Variants in ILDR1 observed in about 807,000 individuals in gnomAD.
ILDR1 encodes the protein immunoglobulin like domain containing receptor 1, also known as immunoglobulin-like domain-containing receptor 1.
Under a neutral mutation model 62.4 loss-of-function variants are expected in ILDR1, and 56 were observed. That is an observed-to-expected ratio of 0.90 (90% CI 0.72 to 1.12). ILDR1 has a LOEUF of 1.12. Ranked by LOEUF, ILDR1 falls within the 50% of genes most tolerant of loss-of-function variation. The pLI is 0.00. For missense variants in ILDR1, 736 were observed against 710.6 expected (o/e 1.04, Z -0.41); for synonymous variants, 284 against 277.8 (o/e 1.02, Z -0.22).
chr3:122,016,615 G>C (rs890604756), intron 1 of ILDR1, among the ~76,000 whole-genome samples: 1 of 152,230 alleles, frequency 6.6e-6, no homozygotes, highest in Non-Finnish European at 1.5e-5. Flanking sequence ...TATCTGGGGG[G>C]ACAAGGCTTC....
chr3:122,035,250 G>GA, the ILDR1 span, among the ~76,000 whole-genome samples: 1 of 151,616 alleles, frequency 6.6e-6, no homozygotes, highest in Non-Finnish European at 1.5e-5. Context: ...AGGAAAACAA[G>GA]AAAAAAAAGT....
chr3:122,011,656 C>T (rs553458239), intron 1 of ILDR1, among the ~76,000 whole-genome samples: 56 of 130,388 alleles, frequency 4.3e-4, no homozygotes, highest in African/African-American at 1.4e-3. Flanking sequence ...GTCTCTCTTT[C>T]TCTCTCTCTC....
chr3:122,021,698 A>G (rs2071857587), intron 1 of ILDR1, among the ~76,000 whole-genome samples: 1 of 152,244 alleles, frequency 6.6e-6, no homozygotes. Flanking sequence ...TAGGAATTTT[A>G]AAGAACGGTG....
intron 1 of ILDR1, among the ~76,000 whole-genome samples, chr3:122,009,332 C>CAT (rs2071668533): frequency 6.8e-6 from 1 of 145,988 alleles, no homozygotes; most frequent in South Asian, 2.1e-4. Flanking sequence ...AAAACACACA[C>CAT]ACACACACAC....
chr3:122,037,555 C>G, the ILDR1 span, among the ~76,000 whole-genome samples: 5 of 152,330 alleles, frequency 3.3e-5, no homozygotes, highest in East Asian at 9.6e-4. Context: ...GCCTGTACCC[C>G]TATTGTATCT....
chr3:122,001,974 A>T, intron 3 of ILDR1, 110 bp from the exon 4 acceptor site: 1 of 1,246,012 alleles, frequency 8.0e-7, no homozygotes, highest in Middle Eastern at 2.7e-4. Flanking sequence ...TATTTACAAA[A>T]AATAATAAAA....
chr3:122,055,826 C>T, the ILDR1 span, among the ~76,000 whole-genome samples: 2 of 151,856 alleles, frequency 1.3e-5, no homozygotes, highest in African/African-American at 4.8e-5. Context: ...TGACAAATAA[C>T]AGGGAATATG....
At position 121,993,718 on chromosome 3, in the gene ILDR1, C is replaced by T. The variant is rs1297610101; in HGVS notation, c.1031G>A (p.Arg344Lys). 1.1e-5 allele frequency: 18 copies of T among 1,614,112 alleles called. No homozygotes were observed. The highest frequency in any genetic ancestry group is 1.5e-5 in the Non-Finnish European group (18 of 1,179,994). The stretch of plus-strand genomic sequence containing the variant: ...CTGCTGGTGCAGGGAGTCACTGGTC[C>T]TCCTTGAGGATGACAGGTCTCTGAT... ...PLIRDLSSSR[R>K]TSDSLHQQWL... Residue 344 changes from arginine to lysine, a missense_variant, in exon 7 of 8, where the codon AGG becomes AAG. By Grantham distance (26) the Arg-to-Lys change is conservative (BLOSUM62 2). Transcript: ENST00000344209.
chr3:122,024,389 A>C (rs1267564917), upstream of ILDR1, among the ~76,000 whole-genome samples: 1 of 152,240 alleles, frequency 6.6e-6, no homozygotes, highest in Non-Finnish European at 1.5e-5. Flanking sequence ...AATAGGGAAG[A>C]TAAGTTGGAG....
chr3:121,993,747 T>C lies in ILDR1; in HGVS notation c.1002A>G (p.Pro334=). The C allele has an allele frequency of 6.2e-7, 1 of 1,613,962 alleles. No homozygotes were observed. The highest frequency in any genetic ancestry group is 1.1e-5 in the South Asian group (1 of 91,072). ...TTGAGGATGACAGGTCTCTGATCAGTGGGGGCAGGTGGATGATTCTGCGTT... is the reference window on the plus strand; with the variant it reads ...TTGAGGATGACAGGTCTCTGATCAGCGGGGGCAGGTGGATGATTCTGCGTT... ...VVERRIIHLP[P]LIRDLSSSRR... Residue 334 remains proline (P), a synonymous_variant, in exon 7 of 8, where the codon CCA becomes CCG. Coordinates refer to ENST00000344209, the MANE Select transcript of ILDR1 (RefSeq NM_001199799.2).
At chr3:122,054,750 A>C in the ILDR1 span, among the ~76,000 whole-genome samples, 1 of 152,136 alleles carries the variant, frequency 6.6e-6, no homozygotes. Context: ...TTTCTGCTTG[A>C]TTAATTCTAT....
chr3:121,989,740 G>A (rs936367354), intron 7 of ILDR1, among the ~76,000 whole-genome samples: 6 of 152,198 alleles, frequency 3.9e-5, no homozygotes, highest in African/African-American at 7.2e-5. Context: ...TGGTTCTGAA[G>A]TTGGGTGGAA....
At chr3:122,032,919 A>C in the ILDR1 span, among the ~76,000 whole-genome samples, 2 of 152,250 alleles carry the variant, frequency 1.3e-5, no homozygotes, top group African/African-American at 4.8e-5. Flanking sequence ...AGAGACACTA[A>C]GTTAAAAACC....
Position 122,022,102 on chromosome 3 carries a change from A to C in ILDR1, c.-25T>G. The C allele has an allele frequency of 6.3e-7, 1 of 1,586,980 alleles. No homozygotes were observed. The highest frequency in any genetic ancestry group is 8.6e-7 in the Non-Finnish European group (1 of 1,164,936). ...TGCCGCCCCCTTTCTGGCCCTTTTC[A>C]GCTCAGGGGCTTCGGGGCACTGCGT... On this transcript the variant is annotated 5_prime_UTR_variant, in exon 1 of 8. Transcript: ENST00000344209.
the ILDR1 span, among the ~76,000 whole-genome samples, chr3:122,028,506 A>G: frequency 6.6e-6 from 1 of 152,210 alleles, no homozygotes; most frequent in Non-Finnish European, 1.5e-5. Context: ...AATTTTTTTA[A>G]AAGTCACAAA....
At chr3:122,001,980 T>TAA in intron 3 of ILDR1, 116 bp from the exon 4 acceptor site, 8 of 1,142,924 alleles carry the variant, frequency 7.0e-6, no homozygotes, top group Non-Finnish European at 9.9e-6. Context: ...CAAAAAATAA[T>TAA]AAAAAAAAAA....
the ILDR1 span, among the ~76,000 whole-genome samples, chr3:122,060,018 A>T: frequency 4.9e-4 from 75 of 152,058 alleles, no homozygotes; most frequent in Non-Finnish European, 9.6e-4. Flanking sequence ...AAAAAAATAA[A>T]TTTTTTTTGT....
chr3:122,044,527 G>C, the ILDR1 span, among the ~76,000 whole-genome samples: 2 of 150,304 alleles, frequency 1.3e-5, no homozygotes, highest in Non-Finnish European at 3.0e-5. Context: ...GTAGAATTCG[G>C]CTGTGAATCC....
chr3:122,051,692 G>T, the ILDR1 span, among the ~76,000 whole-genome samples: 67,983 of 151,554 alleles, frequency 0.45, 16,320 homozygotes, highest in East Asian at 0.73. Flanking sequence ...ACTTTGTGTT[G>T]GTATCTGCAT....
Sources: allele counts gnomAD v4.1 joint callset (sites outside exome capture counted in the v4.1 genomes callset), GRCh38; gene constraint gnomAD v4.1.1; transcripts MANE v1.5; gene names NCBI Gene and HGNC (gene_info 2026-07-23, HGNC 2026-07-21).